Variants in LRIG1 observed in about 807,000 individuals in gnomAD.
LRIG1 encodes the protein leucine-rich repeats and immunoglobulin-like domains protein 1.
LRIG1 carries 48 observed loss-of-function variants against 99.2 expected under a neutral mutation model. The observed-to-expected ratio is 0.48, with a 90% CI of 0.38 to 0.62. The LOEUF (loss-of-function observed/expected upper bound fraction) is 0.62. Among genes scored for constraint, LRIG1 ranks in the 20% least tolerant of loss-of-function variants. The probability of loss-of-function intolerance (pLI) is 0.00; values close to 1 mark genes in which losing one functional copy is unlikely to be tolerated. For missense variants in LRIG1, 1,646 were observed against 1,434.4 expected, an observed-to-expected ratio of 1.15 and a Z score of -2.38; for synonymous variants, 772 against 596.1, an observed-to-expected ratio of 1.29 and a Z score of -4.30.
chr3:66,468,218 T>C (rs570548663), intron 1 of LRIG1, among the ~76,000 whole-genome samples: 1 of 152,348 alleles, frequency 6.6e-6, no homozygotes, highest in South Asian at 2.1e-4. Flanking sequence ...TTGTTTACTT[T>C]TGAGTAAGCT....
intron 1 of LRIG1, among the ~76,000 whole-genome samples, chr3:66,470,933 A>G (rs1439906796): frequency 6.6e-6 from 1 of 152,244 alleles, no homozygotes; most frequent in African/African-American, 2.4e-5. Context: ...TACTGAGGAA[A>G]GCCCACAAAT....
Position 66,380,211 on chromosome 3 carries a change from T to C in LRIG1, c.*52A>G. ...ACCCAAGCTTCCTCGCAGCCTCTCC[T>C]ACCTCTCTTTCCCGTAGAGATTGGT... On this transcript the variant is annotated 3_prime_UTR_variant, in exon 19 of 19. Coordinates refer to ENST00000273261, the MANE Select transcript of LRIG1 (RefSeq NM_015541.3). 1.3e-6 allele frequency: 2 copies of C among 1,489,346 alleles called. No individual in the cohort carries two copies. Among genetic ancestry groups the C allele is most frequent in the Admixed American group, 1.9e-5 (1 of 53,204 alleles). 92.3% of individuals were successfully genotyped at this position (1,489,346 alleles called of 1,614,324 possible).
chr3:66,391,179 G>A (rs1179879643), intron 12 of LRIG1, among the ~76,000 whole-genome samples: 1 of 152,134 alleles, frequency 6.6e-6, no homozygotes, highest in East Asian at 1.9e-4. Flanking sequence ...TAGCAAAAAT[G>A]GGGAGAAATT....
intron 17 of LRIG1, among the ~76,000 whole-genome samples, chr3:66,381,161 A>T (rs1013023264): frequency 3.9e-5 from 6 of 152,192 alleles, no homozygotes; most frequent in African/African-American, 1.4e-4. Flanking sequence ...TCTTTTCAAC[A>T]ATTAGAAATA....
chr3:66,395,919 G>A (rs916440354), intron 11 of LRIG1, among the ~76,000 whole-genome samples: 4 of 152,384 alleles, frequency 2.6e-5, no homozygotes, highest in South Asian at 2.1e-4. Flanking sequence ...CACTGTTCAC[G>A]AAAGCCTAGG....
intron 1 of LRIG1, among the ~76,000 whole-genome samples, chr3:66,472,578 G>C (rs936424617): frequency 5.3e-5 from 8 of 152,144 alleles, no homozygotes; most frequent in African/African-American, 1.9e-4. Flanking sequence ...CAAAATACCT[G>C]TTTTAACACA....
Position 66,405,222 on chromosome 3 carries a change from G to A in LRIG1, c.1136C>T (p.Ser379Leu), listed in dbSNP as rs1463555075. 2.7e-5 allele frequency: 44 copies of A among 1,614,192 alleles called. No individual in the cohort carries two copies. The highest frequency in any genetic ancestry group is 3.7e-5 in the Non-Finnish European group (44 of 1,180,008). The change falls in exon 9 of 19, where the codon TCA becomes TTA. Residue 379 changes from serine (S) to leucine (L), a missense_variant. By Grantham distance (145) the Ser-to-Leu change is moderately radical. Coordinates refer to ENST00000273261, the MANE Select transcript of LRIG1 (RefSeq NM_015541.3). ...CAGCTTGCTGAGGCTGTCGAGCCCT[G>A]AGAAGGCGCCGCTCGTGTCCTCTAT... ...GTIEDTSGAF[S>L]GLDSLSKLTL...
chr3:66,485,965 G>T (rs1700965134), intron 1 of LRIG1, among the ~76,000 whole-genome samples: 1 of 152,226 alleles, frequency 6.6e-6, no homozygotes, highest in African/African-American at 2.4e-5. Context: ...AAAGAAGGCA[G>T]TGCTAGTCTT....
Position 66,380,592 on chromosome 3 carries a change from A to C in LRIG1, c.3040T>G (p.Ser1014Ala). Residue 1014 changes from serine (S) to alanine (A), a missense_variant, in exon 18 of 19, where the codon TCT becomes GCT. Ser to Ala is a moderately conservative substitution (Grantham distance 99, BLOSUM62 1). Coordinates refer to ENST00000273261, the MANE Select transcript of LRIG1 (RefSeq NM_015541.3). ...LTAVKKKPMA[S>A]LDGKGDSSWT... Reference sequence around the variant, plus strand: ...CAAAAGTTACCTTTCCCATCTAGAGATGCCATTGGCTTTTTCTTCACAGCC... The same window carrying C: ...CAAAAGTTACCTTTCCCATCTAGAGCTGCCATTGGCTTTTTCTTCACAGCC... 2 of 1,613,836 alleles carry C rather than the reference A, an allele frequency of 1.2e-6. No individual in the cohort carries two copies. The highest frequency in any genetic ancestry group is 1.6e-4 in the Middle Eastern group (1 of 6,062).
At chr3:66,435,143 T>A (rs1196987509) in intron 3 of LRIG1, among the ~76,000 whole-genome samples, 1 of 152,232 alleles carries the variant, frequency 6.6e-6, no homozygotes, top group Non-Finnish European at 1.5e-5. Context: ...ATAACCTAGA[T>A]GAACCTCCAG....
At chr3:66,426,671 A>G (rs577040088) in intron 3 of LRIG1, among the ~76,000 whole-genome samples, 2 of 152,346 alleles carry the variant, frequency 1.3e-5, no homozygotes, top group South Asian at 4.1e-4. Flanking sequence ...TATGTTCCTC[A>G]AGAGATCAAC....
intron 3 of LRIG1, among the ~76,000 whole-genome samples, chr3:66,438,697 G>A (rs551372923): frequency 6.6e-6 from 1 of 152,288 alleles, no homozygotes; most frequent in South Asian, 2.1e-4. Context: ...GACGGTGAGA[G>A]GGCTTCCCCT....
intron 1 of LRIG1, among the ~76,000 whole-genome samples, chr3:66,497,134 T>C (rs970127012): frequency 6.6e-6 from 1 of 152,210 alleles, no homozygotes; most frequent in African/African-American, 2.4e-5. Context: ...GAATGCTCTG[T>C]CATCTTCACT....
At chr3:66,397,447 C>CT (rs1553713572) in intron 11 of LRIG1, among the ~76,000 whole-genome samples, 5 of 42,976 alleles carry the variant, frequency 1.2e-4, no homozygotes, top group African/African-American at 3.1e-4. Flanking sequence ...TCATGTCTAG[C>CT]TAAAAAAAAA....
At chr3:66,491,202 T>C (rs952346094) in intron 1 of LRIG1, among the ~76,000 whole-genome samples, 3 of 152,190 alleles carry the variant, frequency 2.0e-5, no homozygotes, top group Admixed American at 6.5e-5. Flanking sequence ...AAGTAAACAA[T>C]AGTTAACTCA....
chr3:66,398,035 A>G, intron 11 of LRIG1, 77 bp downstream of exon 11: 1 of 1,168,576 alleles, frequency 8.6e-7, no homozygotes, highest in East Asian at 2.3e-5. Context: ...ACAAGTGAGC[A>G]TAATGCAATT....
chr3:66,448,302 G>A (rs1703791566), intron 3 of LRIG1, among the ~76,000 whole-genome samples: 1 of 152,174 alleles, frequency 6.6e-6, no homozygotes, highest in Non-Finnish European at 1.5e-5. Flanking sequence ...GAGGGCTCTG[G>A]TGTCTGGAAG....
rs1407035784 is a variant in LRIG1 at position 66,379,646 on chromosome 3, T to C, written c.*617A>G. On this transcript the variant is annotated 3_prime_UTR_variant, in exon 19 of 19. Coordinates refer to ENST00000273261, the MANE Select transcript of LRIG1 (RefSeq NM_015541.3). ...AAACCTAAAAGGAAAAGCCATTCAC[T>C]GCAAGTGTGGATGGCACTTGCACCC... The C allele has an allele frequency of 6.6e-6, 1 of 152,152 alleles. No homozygotes were observed. Among genetic ancestry groups the C allele is most frequent in the African/African-American group, 2.4e-5 (1 of 41,452 alleles). The allele number at this position is 152,152 out of a possible 1,614,324, so 9.4% of individuals were successfully genotyped here.
rs551461749 is a variant in LRIG1, at chr3:66,433,733, T to A, written c.366-16467A>T. On this transcript the variant is annotated intron_variant, in intron 3 of 18. Transcript: ENST00000273261. ...GATGGGTATGGGTGGGATTGAGGAG[T>A]TGGCCCTTTAACGCAGCCCTTCCTC... Among the ~76,000 whole-genome samples, 6 of 152,104 alleles carry A rather than the reference T, an allele frequency of 3.9e-5. No individual in the cohort carries two copies. The East Asian group carries it at 9.7e-4, about 25-fold the overall frequency.
Sources: allele counts gnomAD v4.1 joint callset (sites outside exome capture counted in the v4.1 genomes callset), GRCh38; gene constraint gnomAD v4.1.1; transcripts MANE v1.5; gene names NCBI Gene and HGNC (gene_info 2026-07-23, HGNC 2026-07-21).